The following ALDH2 variants were observed in gnomAD, a reference collection of about 807,000 sequenced individuals.
ALDH2 encodes aldehyde dehydrogenase 2 family member.
Under a neutral mutation model 59.6 loss-of-function variants are expected in ALDH2, and 44 were observed. The ratio of observed to expected loss-of-function variants is 0.74; its 90% CI spans 0.58 to 0.95. ALDH2 has a LOEUF of 0.95. Among genes scored for constraint, ALDH2 ranks in the 40% least tolerant of loss-of-function variants. The pLI, the probability that ALDH2 is intolerant of heterozygous loss-of-function variation, is 0.00. For synonymous variants in ALDH2, 291 were observed against 284.0 expected (o/e 1.02, Z -0.25); for missense variants, 570 against 696.3 (o/e 0.82, Z 2.04).
Position 111,792,095 on chromosome 12 carries a change from G to A in ALDH2, c.830G>A (p.Ser277Asn). 6.8e-6 allele frequency: 11 copies of A among 1,610,838 alleles called. No homozygotes were observed. The highest frequency in any genetic ancestry group is 9.3e-6 in the Non-Finnish European group (11 of 1,179,194). ...GRVIQVAAGS[S>N]NLKRVTLELG... ...GTAATCCAGGTTGCTGCTGGGAGCAGCAACCTCAAGAGAGTGACCTTGGAG... is the reference window on the plus strand; with the variant it reads ...GTAATCCAGGTTGCTGCTGGGAGCAACAACCTCAAGAGAGTGACCTTGGAG... The change falls in exon 8 of 13, where the codon AGC (serine) becomes AAC (asparagine). Residue 277 changes from serine to asparagine, a missense_variant. Ser to Asn is a conservative substitution (Grantham distance 46, BLOSUM62 1). Transcript: ENST00000261733.
At chr12:111,775,581 A>G in intron 1 of ALDH2, 1 of 434,956 alleles carries the variant, frequency 2.3e-6, no homozygotes, top group South Asian at 1.7e-5. Context: ...ATTTTGATAG[A>G]AAATCTTTAT....
intron 11 of ALDH2, among the ~76,000 whole-genome samples, chr12:111,802,270 G>A (rs2068457627): frequency 6.6e-6 from 1 of 152,040 alleles, no homozygotes; most frequent in African/African-American, 2.4e-5. Flanking sequence ...AAATTAGACG[G>A]GTGTGGTGGC....
intron 11 of ALDH2, among the ~76,000 whole-genome samples, chr12:111,801,216 T>G (rs1331394482): frequency 6.6e-6 from 1 of 152,150 alleles, no homozygotes; most frequent in Admixed American, 6.5e-5. Context: ...TCAGATCTTG[T>G]GAGACTTACT....
At chr12:111,803,822 C>A (rs772741185) in intron 11 of ALDH2, 37 bp from the exon 12 acceptor site, 3 of 1,519,290 alleles carry the variant, frequency 2.0e-6, no homozygotes, top group South Asian at 2.4e-5. Flanking sequence ...CCCATAACCC[C>A]CAAGAGTGAT....
Position 111,809,920 on chromosome 12 carries a change from C to A in ALDH2, c.*345C>A, listed in dbSNP as rs2068523399. On this transcript the variant is annotated 3_prime_UTR_variant, in exon 13 of 13. Coordinates refer to ENST00000261733, the MANE Select transcript of ALDH2 (RefSeq NM_000690.4). The stretch of plus-strand genomic sequence containing the variant: ...GTTTACAATTATATCACCATTAAGG[C>A]AACTGCTACACCCTGCTTTGTATTC... 1 of 383,536 alleles carries A rather than the reference C, an allele frequency of 2.6e-6. No individual in the cohort carries two copies. The allele number at this position is 383,536 out of a possible 1,614,324, so 23.8% of individuals were successfully genotyped here.
intron 1 of ALDH2, among the ~76,000 whole-genome samples, chr12:111,776,734 G>A (rs2068237802): frequency 6.6e-6 from 1 of 151,900 alleles, no homozygotes; most frequent in South Asian, 2.1e-4. Flanking sequence ...GCCCAGGCTG[G>A]AGTACAGTGG....
In ALDH2 at chr12:111,810,178, C is replaced by A. The variant is rs545608264; in HGVS notation, c.*603C>A. ...AATTAGGCAGTCATGGTGGCTGGCA[C>A]CTGTAATCCCAGCTACTTGGGAGGC... On this transcript the variant is annotated 3_prime_UTR_variant, in exon 13 of 13. Coordinates refer to ENST00000261733, the MANE Select transcript of ALDH2 (RefSeq NM_000690.4). 1.3e-5 allele frequency: 2 copies of A among 155,026 alleles called. No homozygotes were observed. The highest frequency in any genetic ancestry group is 4.8e-5 in the African/African-American group (2 of 41,506). The allele number at this position is 155,026 out of a possible 1,614,324, so 9.6% of individuals were successfully genotyped here.
intron 11 of ALDH2, 77 bp from the exon 12 acceptor site, chr12:111,803,782 G>A: frequency 1.1e-6 from 1 of 938,326 alleles, no homozygotes; most frequent in Non-Finnish European, 1.5e-6. Flanking sequence ...TAAAGACTTT[G>A]GGGCAATACA....
At chr12:111,806,319 GA>G (rs946624016) in intron 12 of ALDH2, among the ~76,000 whole-genome samples, 195 of 127,850 alleles carry the variant, frequency 1.5e-3, no homozygotes, top group Middle Eastern at 4.1e-3. Flanking sequence ...TCCGTCTCAG[GA>G]AAAAAAAAAA....
intron 10 of ALDH2, 129 bp from the exon 11 acceptor site, chr12:111,799,777 C>T: frequency 1.7e-6 from 2 of 1,149,862 alleles, no homozygotes; most frequent in Non-Finnish European, 2.4e-6. Flanking sequence ...CTGTTGTCTT[C>T]CCCTGGAACT....
intron 9 of ALDH2, among the ~76,000 whole-genome samples, chr12:111,796,735 A>G (rs2068407496): frequency 6.6e-6 from 1 of 151,872 alleles, no homozygotes. Context: ...GCAAAACCCC[A>G]TCCCTACTAA....
intron 1 of ALDH2, among the ~76,000 whole-genome samples, chr12:111,774,749 C>T (rs1420356593): frequency 6.6e-6 from 1 of 152,124 alleles, no homozygotes; most frequent in Non-Finnish European, 1.5e-5. Flanking sequence ...TCATTCTCTC[C>T]TGGCCTTGGT....
chr12:111,792,893 C>A, intron 9 of ALDH2, 111 bp downstream of exon 9: 1 of 1,215,724 alleles, frequency 8.2e-7, no homozygotes, highest in Non-Finnish European at 1.1e-6. Context: ...CTCTACCACA[C>A]AGCAGCTGTG....
Position 111,816,022 on chromosome 12 carries a change from C to G in ALDH2, c.*6447C>G, listed in dbSNP as rs1475806346. ...ACGGATATTTATCCCCTCAAAATCT[C>G]ATGTTAAAATGTAATCTTCAGTGTT... On this transcript the variant is annotated 3_prime_UTR_variant, in exon 13 of 13. Coordinates refer to ENST00000261733, the MANE Select transcript of ALDH2 (RefSeq NM_000690.4). The G allele has an allele frequency of 6.6e-6, 1 of 152,096 alleles. No homozygotes were observed. The highest frequency in any genetic ancestry group is 1.5e-5 in the Non-Finnish European group (1 of 68,020). The allele number at this position is 152,096 out of a possible 1,614,324, so 9.4% of individuals were successfully genotyped here.
At chr12:111,782,233 C>T (rs969748930) in intron 2 of ALDH2, among the ~76,000 whole-genome samples, 9 of 152,260 alleles carry the variant, frequency 5.9e-5, no homozygotes, top group Non-Finnish European at 8.8e-5. Flanking sequence ...GAAGTGAATT[C>T]GGCAAATATC....
At chr12:111,788,034 G>C (rs1366299297) in intron 4 of ALDH2, among the ~76,000 whole-genome samples, 2 of 149,284 alleles carry the variant, frequency 1.3e-5, no homozygotes, top group African/African-American at 4.9e-5. Flanking sequence ...GCGAGACTCT[G>C]TCTCAGAAAA....
intron 11 of ALDH2, among the ~76,000 whole-genome samples, chr12:111,802,441 C>T (rs569670985): frequency 1.2e-4 from 17 of 147,546 alleles, no homozygotes; most frequent in African/African-American, 3.3e-4. Context: ...ATTAGCCGGG[C>T]GCAGTGGTGG....
At chr12:111,802,846 C>T (rs2068464775) in intron 11 of ALDH2, among the ~76,000 whole-genome samples, 1 of 147,246 alleles carries the variant, frequency 6.8e-6, no homozygotes, top group South Asian at 2.1e-4. Flanking sequence ...CACCACTGCA[C>T]TCCAGCCAGG....
At chr12:111,808,386 C>A (rs1318701126) in intron 12 of ALDH2, among the ~76,000 whole-genome samples, 3 of 151,796 alleles carry the variant, frequency 2.0e-5, no homozygotes, top group African/African-American at 7.3e-5. Flanking sequence ...GTGCATAAAT[C>A]ATATCTCAAG....
Sources: gnomAD v4.1 joint callset for allele counts (sites outside exome capture counted in the v4.1 genomes callset) on GRCh38, gnomAD v4.1.1 for gene constraint, MANE v1.5 for transcripts, NCBI Gene and HGNC (gene_info 2026-07-23, HGNC 2026-07-21) for gene names.